ZNF804B: variants seen among roughly 807,000 people sequenced by gnomAD.
The protein encoded by ZNF804B is zinc finger protein 804B, also known as zinc finger 804B.
A neutral mutation model predicts 101.4 loss-of-function variants in ZNF804B; 80 were observed. The observed-to-expected ratio is 0.79, with a 90% CI of 0.66 to 0.95. The LOEUF is 0.95. ZNF804B is among the 40% of genes least tolerant of loss of function. ZNF804B has a pLI of 0.00. For missense variants in ZNF804B, 1,673 were observed against 1,561.9 expected (o/e 1.07, Z -1.20); for synonymous variants, 622 against 558.8 (o/e 1.11, Z -1.59).
intron 1 of ZNF804B, among the ~76,000 whole-genome samples, chr7:89,130,658 C>A (rs1388186793): frequency 6.6e-6 from 1 of 151,934 alleles, no homozygotes; most frequent in East Asian, 1.9e-4. Flanking sequence ...CTGGGACTGG[C>A]CCATGCTGAG....
At chr7:89,219,867 T>C (rs1052837808) in intron 2 of ZNF804B, among the ~76,000 whole-genome samples, 5 of 120,936 alleles carry the variant, frequency 4.1e-5, no homozygotes, top group Non-Finnish European at 8.7e-5. Flanking sequence ...TATATGTGTG[T>C]ATATGTAGTA....
rs1388412824 is a variant in ZNF804B at position 88,859,275 on chromosome 7, A to T, written c.108+99191A>T. ...TTTGTCTATATTTATCTAAAAACTT[A>T]TGACTTAATGACAACTCATCAGATA... On this transcript the variant is annotated intron_variant, in intron 1 of 3. Transcript: ENST00000333190. 2.0e-5 allele frequency among the ~76,000 whole-genome samples: 3 copies of T among 152,146 alleles called. No homozygotes were observed. In the East Asian group the frequency reaches 5.8e-4, roughly 29 times the overall value.
intron 1 of ZNF804B, among the ~76,000 whole-genome samples, chr7:89,158,622 C>G (rs531653241): frequency 1.3e-5 from 2 of 152,184 alleles, no homozygotes; most frequent in African/African-American, 4.8e-5. Flanking sequence ...TGCTTAAATA[C>G]CTAGTTTTTC....
chr7:89,066,473 G>T (rs529827129), intron 1 of ZNF804B, among the ~76,000 whole-genome samples: 4 of 152,098 alleles, frequency 2.6e-5, no homozygotes, highest in Non-Finnish European at 5.9e-5. Context: ...TGTAGAAAAT[G>T]ATGGGAACCA....
chr7:89,267,950 A>G (rs1431183637), intron 2 of ZNF804B, among the ~76,000 whole-genome samples: 1 of 152,042 alleles, frequency 6.6e-6, no homozygotes, highest in Non-Finnish European at 1.5e-5. Flanking sequence ...AATGAAATTC[A>G]CTGTCTTCAA....
intron 1 of ZNF804B, among the ~76,000 whole-genome samples, chr7:88,808,358 G>A (rs1026444821): frequency 1.1e-4 from 17 of 151,082 alleles, no homozygotes; most frequent in Non-Finnish European, 2.4e-4. Flanking sequence ...CTCCAGCCTG[G>A]GGGACAAGAG....
intron 1 of ZNF804B, among the ~76,000 whole-genome samples, chr7:88,987,399 A>G (rs1022933445): frequency 3.3e-5 from 5 of 152,136 alleles, no homozygotes; most frequent in Admixed American, 6.6e-5. Flanking sequence ...CATAATAAAC[A>G]TTGAAGTCTG....
At chr7:89,239,852 T>G (rs997812866) in intron 2 of ZNF804B, among the ~76,000 whole-genome samples, 1 of 151,330 alleles carries the variant, frequency 6.6e-6, no homozygotes, top group Non-Finnish European at 1.5e-5. Context: ...ACATTAGTTT[T>G]GAAACTTTCA....
rs770374577 is a variant in ZNF804B, at chr7:88,943,116, ATCT to A, written c.108+183037_108+183039del. 4.6e-5 allele frequency among the ~76,000 whole-genome samples: 7 copies of A among 152,054 alleles called. No homozygotes were observed. In the East Asian group the frequency reaches 9.7e-4, roughly 21 times the overall value. On this transcript the variant is annotated intron_variant, in intron 1 of 3. Coordinates refer to ENST00000333190, the MANE Select transcript of ZNF804B (RefSeq NM_181646.5). ...AATAGAACAAATTAAAAAGAGGAAAATCTTCTTTCTCTCTGCTTAGCTTTCGTG... is the reference window on the plus strand; with the variant it reads ...AATAGAACAAATTAAAAAGAGGAAAATCTTTCTCTCTGCTTAGCTTTCGTG...
chr7:88,872,618 C>A (rs1030449719), intron 1 of ZNF804B, among the ~76,000 whole-genome samples: 2 of 151,952 alleles, frequency 1.3e-5, no homozygotes, highest in Non-Finnish European at 2.9e-5. Context: ...ATCCCTCCCC[C>A]CTGCCCCCAC....
At chr7:88,905,959 A>G (rs901849379) in intron 1 of ZNF804B, among the ~76,000 whole-genome samples, 19 of 144,206 alleles carry the variant, frequency 1.3e-4, no homozygotes, top group African/African-American at 4.7e-4. Context: ...TTCAGAATTC[A>G]GTATTGGTCT....
intron 1 of ZNF804B, among the ~76,000 whole-genome samples, chr7:88,772,587 A>C (rs1025231772): frequency 2.0e-5 from 3 of 152,222 alleles, no homozygotes; most frequent in African/African-American, 7.2e-5. Flanking sequence ...AGTAACTGGA[A>C]TACAACATGT....
chr7:89,103,068 T>G (rs936811267), intron 1 of ZNF804B, among the ~76,000 whole-genome samples: 10 of 138,942 alleles, frequency 7.2e-5, no homozygotes, highest in African/African-American at 2.2e-4. Flanking sequence ...TTTTTTTTTT[T>G]TTTTTTTTTT....
intron 1 of ZNF804B, among the ~76,000 whole-genome samples, chr7:88,946,050 C>T (rs181468906): frequency 6.6e-6 from 1 of 152,192 alleles, no homozygotes; most frequent in Admixed American, 6.5e-5. Flanking sequence ...GACTATTTGA[C>T]TTCCTCTCTT....
At chr7:89,244,029 C>T (rs1199950088) in intron 2 of ZNF804B, among the ~76,000 whole-genome samples, 1 of 151,968 alleles carries the variant, frequency 6.6e-6, no homozygotes, top group African/African-American at 2.4e-5. Context: ...TTCTATTTTA[C>T]TACCCCTTTA....
At chr7:89,015,995 C>A (rs1371716393) in intron 1 of ZNF804B, among the ~76,000 whole-genome samples, 1 of 152,050 alleles carries the variant, frequency 6.6e-6, no homozygotes, top group Admixed American at 6.6e-5. Context: ...CTCTCCAGCA[C>A]CTGTTGTTTC....
intron 1 of ZNF804B, among the ~76,000 whole-genome samples, chr7:89,191,688 T>C (rs1027474691): frequency 1.3e-5 from 2 of 152,104 alleles, no homozygotes; most frequent in Admixed American, 6.6e-5. Flanking sequence ...TCAGTGGTAT[T>C]TGCATCATGA....
chr7:88,854,402 T>TCTTTCTTCCTTC (rs1554340129), intron 1 of ZNF804B, among the ~76,000 whole-genome samples: 14 of 130,380 alleles, frequency 1.1e-4, no homozygotes, highest in African/African-American at 4.0e-4. Flanking sequence ...TTTCTTTCTT[T>TCTTTCTTCCTTC]CTTTCTTTCT....
chr7:88,888,333 A>T (rs1792164296), intron 1 of ZNF804B, among the ~76,000 whole-genome samples: 1 of 152,172 alleles, frequency 6.6e-6, no homozygotes. Context: ...CAGAGGTTGC[A>T]GTGAGCCGAG....
Sources: allele counts gnomAD v4.1 joint callset (sites outside exome capture counted in the v4.1 genomes callset), GRCh38; gene constraint gnomAD v4.1.1; transcripts MANE v1.5; gene names NCBI Gene and HGNC (gene_info 2026-07-23, HGNC 2026-07-21).